Variants in SLC39A11 observed in about 807,000 individuals in gnomAD.
SLC39A11 encodes solute carrier family 39 member 11.
Under a neutral mutation model 36.1 loss-of-function variants are expected in SLC39A11, and 33 were observed. That is an observed-to-expected ratio of 0.91 (90% CI 0.69 to 1.22). The LOEUF is 1.22. Ranked by LOEUF, SLC39A11 falls within the 50% of genes most tolerant of loss-of-function variation. SLC39A11 has a pLI of 0.00. For synonymous variants in SLC39A11, 166 were observed against 170.3 expected, an observed-to-expected ratio of 0.97 and a Z score of 0.20; for missense variants, 432 against 430.3, an observed-to-expected ratio of 1.00 and a Z score of -0.03.
At chr17:72,679,492 C>T (rs1227518871) in intron 7 of SLC39A11, among the ~76,000 whole-genome samples, 1 of 152,222 alleles carries the variant, frequency 6.6e-6, no homozygotes, top group Non-Finnish European at 1.5e-5. Context: ...ACTAACCCCC[C>T]AGGGAACCTG....
rs2059670993 is a variant in SLC39A11 at position 73,056,367 on chromosome 17, CCA to C, written c.148-24655_148-24654del. On this transcript the variant is annotated intron_variant, in intron 3 of 9. Transcript: ENST00000255559. ...TATTTTTAGTGGAGACGGGGTTTCA[CCA>C]TGTTGGCCAGGCTGGTCTGGAACTC... is the stretch of plus-strand genomic sequence containing the variant. 1.1e-4 allele frequency among the ~76,000 whole-genome samples: 17 copies of C among 152,246 alleles called. 1 individual carries two copies. Among genetic ancestry groups the C allele is most frequent in the Admixed American group, 8.5e-4 (13 of 15,294 alleles).
chr17:72,768,082 G>A (rs2075815947), intron 6 of SLC39A11, among the ~76,000 whole-genome samples: 1 of 152,122 alleles, frequency 6.6e-6, no homozygotes, highest in Non-Finnish European at 1.5e-5. Context: ...CCTGGTGGGG[G>A]CCACAGGAGC....
intron 7 of SLC39A11, among the ~76,000 whole-genome samples, chr17:72,718,546 C>A (rs865887778): frequency 6.6e-6 from 1 of 150,900 alleles, no homozygotes; most frequent in Non-Finnish European, 1.5e-5. Context: ...ATTTCCCACA[C>A]GACTTTGGGG....
chr17:72,768,929 T>C (rs1225449682), intron 6 of SLC39A11, among the ~76,000 whole-genome samples: 1 of 151,790 alleles, frequency 6.6e-6, no homozygotes, highest in Non-Finnish European at 1.5e-5. Flanking sequence ...CTCGGCTAAT[T>C]TTCTGTATTT....
chr17:72,794,617 C>T (rs1363920766), intron 6 of SLC39A11, among the ~76,000 whole-genome samples: 6 of 152,012 alleles, frequency 3.9e-5, no homozygotes, highest in Admixed American at 3.9e-4. Context: ...CCCTTCTTTT[C>T]CTGCATCTCA....
At chr17:72,684,514 C>T (rs1299171415) in intron 7 of SLC39A11, among the ~76,000 whole-genome samples, 1 of 152,232 alleles carries the variant, frequency 6.6e-6, no homozygotes, top group Non-Finnish European at 1.5e-5. Context: ...AAGGATAACG[C>T]ATCGTGCTTT....
intron 7 of SLC39A11, among the ~76,000 whole-genome samples, chr17:72,731,242 T>C (rs2074201594): frequency 6.6e-6 from 1 of 152,208 alleles, no homozygotes. Flanking sequence ...CTGTCTTCAA[T>C]TAGAGCTCAG....
chr17:73,056,512 T>C (rs1429927492), intron 3 of SLC39A11, among the ~76,000 whole-genome samples: 1 of 152,094 alleles, frequency 6.6e-6, no homozygotes, highest in African/African-American at 2.4e-5. Flanking sequence ...TTTTTTTGGC[T>C]TTTGCATCCA....
intron 6 of SLC39A11, among the ~76,000 whole-genome samples, chr17:72,812,538 C>T (rs1310288660): frequency 6.6e-6 from 1 of 152,154 alleles, no homozygotes; most frequent in African/African-American, 2.4e-5. Context: ...TCTTGATGAG[C>T]AAGGCAGAAT....
chr17:72,988,339 C>T (rs1187265137), intron 4 of SLC39A11, among the ~76,000 whole-genome samples: 2 of 152,134 alleles, frequency 1.3e-5, no homozygotes, highest in East Asian at 3.9e-4. Flanking sequence ...TACATGCCTG[C>T]AATCCCAGCT....
chr17:72,733,692 T>C (rs2074319023), intron 7 of SLC39A11, among the ~76,000 whole-genome samples: 3 of 152,184 alleles, frequency 2.0e-5, no homozygotes, highest in South Asian at 2.1e-4. Context: ...CTTTCTACTT[T>C]CATCATCTTA....
chr17:72,960,837 A>C (rs1049305320), intron 4 of SLC39A11, among the ~76,000 whole-genome samples: 3 of 151,908 alleles, frequency 2.0e-5, no homozygotes, highest in South Asian at 2.1e-4. Flanking sequence ...CAAAAAAAAA[A>C]CCCTTCCTTT....
At chr17:73,037,979 T>G (rs1224084944) in intron 3 of SLC39A11, among the ~76,000 whole-genome samples, 2 of 152,206 alleles carry the variant, frequency 1.3e-5, no homozygotes, top group African/African-American at 4.8e-5. Flanking sequence ...TCCAAGCACT[T>G]TGGGAGGCCG....
chr17:73,070,872 G>A (rs192040489), intron 3 of SLC39A11, among the ~76,000 whole-genome samples: 10 of 152,256 alleles, frequency 6.6e-5, no homozygotes, highest in Admixed American at 5.2e-4. Context: ...CTCCAGGCAC[G>A]TGGAATTGTG....
chr17:72,657,421 G>C (rs866628737), intron 7 of SLC39A11, among the ~76,000 whole-genome samples: 2 of 152,190 alleles, frequency 1.3e-5, no homozygotes, highest in African/African-American at 2.4e-5. Context: ...TCAAGGAGGA[G>C]CAGAGATGGA....
At chr17:72,823,939 C>T (rs1186636855) in intron 6 of SLC39A11, 1 of 151,122 alleles carries the variant, frequency 6.6e-6, no homozygotes, top group African/African-American at 2.4e-5. Flanking sequence ...AGATGGGATT[C>T]TAGGTGAGAA....
rs146525472 is a variant in SLC39A11, at chr17:73,054,722, C to T, written c.148-23008G>A. 5.9e-3 allele frequency among the ~76,000 whole-genome samples: 892 copies of T among 151,032 alleles called. 20 individuals are homozygous for T. Among genetic ancestry groups the T allele is most frequent in the Admixed American group, 0.044 (662 of 15,122 alleles). On this transcript the variant is annotated intron_variant, in intron 3 of 9. Transcript: ENST00000255559. The stretch of plus-strand genomic sequence containing the variant: ...ACTCAGGAGGCTGAGGCAAGAGAAT[C>T]GCTTGAACCTGAGAGGCACAGGTTG...
intron 3 of SLC39A11, among the ~76,000 whole-genome samples, chr17:73,034,546 T>G (rs1156508168): frequency 1.3e-5 from 2 of 152,216 alleles, no homozygotes; most frequent in East Asian, 3.9e-4. Context: ...AAACCTGACC[T>G]GTGCAGCAGC....
intron 3 of SLC39A11, among the ~76,000 whole-genome samples, chr17:73,057,767 G>T (rs2059714867): frequency 6.6e-6 from 1 of 152,106 alleles, no homozygotes; most frequent in Non-Finnish European, 1.5e-5. Flanking sequence ...GTGAAACCCT[G>T]TCTCTACAAA....
Sources: gnomAD v4.1 joint callset for allele counts (sites outside exome capture counted in the v4.1 genomes callset) on GRCh38, gnomAD v4.1.1 for gene constraint, MANE v1.5 for transcripts, NCBI Gene and HGNC (gene_info 2026-07-23, HGNC 2026-07-21) for gene names.